Variants in ATXN2 observed in about 807,000 individuals in gnomAD.
The protein encoded by ATXN2 is ataxin 2, also known as ataxin-2.
Under a neutral mutation model 138.6 loss-of-function variants are expected in ATXN2, and 37 were observed. The ratio of observed to expected loss-of-function variants is 0.27; its 90% CI spans 0.21 to 0.35. The LOEUF is 0.35. Ranked by LOEUF, ATXN2 falls within the 10% of genes least tolerant of loss-of-function variation. The probability of loss-of-function intolerance (pLI) is 1.00; values close to 1 mark genes in which losing one functional copy is unlikely to be tolerated. For missense variants in ATXN2, 1,216 were observed against 1,480.3 expected, an observed-to-expected ratio of 0.82 and a Z score of 2.93; for synonymous variants, 549 against 543.7, an observed-to-expected ratio of 1.01 and a Z score of -0.13.
chr12:111,571,725 A>C (rs12319031), intron 1 of ATXN2, among the ~76,000 whole-genome samples: 2,273 of 152,270 alleles, frequency 0.015, 59 homozygotes, highest in African/African-American at 0.05. Flanking sequence ...TTACACTGTA[A>C]AGAGCTTTTA....
In ATXN2 at chr12:111,596,205, AACACACAC is replaced by A. The variant is rs35316415; in HGVS notation, c.251+2571_251+2578del. Among the ~76,000 whole-genome samples, 724 of 141,838 alleles carry A rather than the reference AACACACAC, an allele frequency of 5.1e-3. 4 individuals carry two copies. The highest frequency in any genetic ancestry group is 0.015 in the African/African-American group (594 of 39,130). 93.1% of individuals were successfully genotyped at this position (141,838 alleles called of 152,430 possible). On this transcript the variant is annotated intron_variant, in intron 1 of 24. Coordinates refer to ENST00000673436, the MANE Select transcript of ATXN2 (RefSeq NM_001372574.1). ...GGCGACAGAGTGAGATTCCATCCAAAACACACACACACACACACACACACACACACACA... is the reference window on the plus strand; with the variant it reads ...GGCGACAGAGTGAGATTCCATCCAAAACACACACACACACACACACACACA...
chr12:111,597,819 G>C (rs2034674423), intron 1 of ATXN2: 3 of 1,258,006 alleles, frequency 2.4e-6, no homozygotes, highest in Non-Finnish European at 3.1e-6. Context: ...CGAAATTGGG[G>C]CGGGGGTTGG....
In ATXN2 at chr12:111,485,739, G is replaced by C; in HGVS notation, c.2431C>G (p.Pro811Ala). 1 of 1,614,152 alleles carries C rather than the reference G, an allele frequency of 6.2e-7. No individual in the cohort carries two copies. The highest frequency in any genetic ancestry group is 8.5e-7 in the Non-Finnish European group (1 of 1,180,018). Reference sequence around the variant, plus strand: ...TGCACGCCTGGGCTCACTGGGACTGGATACATCATATTTGGTGCAAAACAA... The same window carrying C: ...TGCACGCCTGGGCTCACTGGGACTGCATACATCATATTTGGTGCAAAACAA... The part of the protein sequence containing the change: ...PVCFAPNMMY[P>A]VPVSPGVQPL... Residue 811 changes from proline to alanine, a missense_variant, in exon 17 of 25, where the codon CCA becomes GCA. By Grantham distance (27) the Pro-to-Ala change is conservative. This residue lies in a region of ATXN2 where 490 missense variants were observed against 653.5 expected (regional missense o/e 0.75). Coordinates refer to ENST00000673436, the MANE Select transcript of ATXN2 (RefSeq NM_001372574.1).
intron 18 of ATXN2, among the ~76,000 whole-genome samples, chr12:111,484,713 G>A (rs1331784061): frequency 6.6e-6 from 1 of 151,682 alleles, no homozygotes; most frequent in Non-Finnish European, 1.5e-5. Context: ...TGGGATTACA[G>A]GCATAAGCCA....
At chr12:111,515,284 G>A (rs1426938593) in intron 10 of ATXN2, among the ~76,000 whole-genome samples, 1 of 152,124 alleles carries the variant, frequency 6.6e-6, no homozygotes, top group Non-Finnish European at 1.5e-5. Flanking sequence ...TAATTTTAAT[G>A]AACAAATCAG....
At chr12:111,494,012 C>CCTGGGCCTCCTGGGTT (rs1878235896) in intron 14 of ATXN2, among the ~76,000 whole-genome samples, 2 of 152,176 alleles carry the variant, frequency 1.3e-5, no homozygotes, top group Non-Finnish European at 2.9e-5. Context: ...CTCACTGCAA[C>CCTGGGCCTCCTGGGTT]CTGGGCCTCC....
intron 2 of ATXN2, among the ~76,000 whole-genome samples, chr12:111,555,278 A>G (rs529159452): frequency 6.6e-6 from 1 of 152,302 alleles, no homozygotes; most frequent in Admixed American, 6.5e-5. Flanking sequence ...GAAAAGAACA[A>G]GCGACTTGTT....
At chr12:111,489,329 T>TG in intron 14 of ATXN2, among the ~76,000 whole-genome samples, 1 of 152,022 alleles carries the variant, frequency 6.6e-6, no homozygotes, top group East Asian at 1.9e-4. Context: ...ATAGCACCAA[T>TG]GGGGGCCGGG....
intron 1 of ATXN2, chr12:111,597,745 C>T (rs1053814952): frequency 1.8e-5 from 14 of 795,194 alleles, no homozygotes; most frequent in Non-Finnish European, 2.6e-5. Context: ...TAGTAAACAC[C>T]CGCCTTTCTG....
In ATXN2 at chr12:111,456,022, G is replaced by A. The variant is rs1307225149; in HGVS notation, c.3270+7C>T. The stretch of plus-strand genomic sequence containing the variant: ...CTTCACAGAAAGTTGGCTAAAGCTG[G>A]TATTACCTGAGGTACGTGGGCCATG... On this transcript the variant is annotated splice_region_variant and intron_variant, in intron 23 of 24. Transcript: ENST00000673436. 1 of 1,613,488 alleles carries A rather than the reference G, an allele frequency of 6.2e-7. No individual in the cohort carries two copies. Among genetic ancestry groups the A allele is most frequent in the South Asian group, 1.1e-5 (1 of 91,072 alleles).
intron 1 of ATXN2, chr12:111,597,618 C>G (rs545025540): frequency 2.5e-4 from 103 of 414,758 alleles, no homozygotes; most frequent in African/African-American, 2.0e-3. Flanking sequence ...GACAACCGCC[C>G]GCCACCCCCA....
intron 18 of ATXN2, 150 bp downstream of exon 18, chr12:111,485,115 A>G: frequency 1.6e-6 from 1 of 627,236 alleles, no homozygotes; most frequent in Admixed American, 2.4e-5. Context: ...AATCCATGTG[A>G]ATATCTATGT....
At chr12:111,596,589 A>G (rs1462889766) in intron 1 of ATXN2, among the ~76,000 whole-genome samples, 2 of 152,230 alleles carry the variant, frequency 1.3e-5, no homozygotes, top group Admixed American at 6.5e-5. Flanking sequence ...GAATGCAGGA[A>G]AGTGATTCAA....
intron 1 of ATXN2, among the ~76,000 whole-genome samples, chr12:111,572,804 AC>A (rs1883407475): frequency 6.6e-6 from 1 of 152,202 alleles, no homozygotes; most frequent in South Asian, 2.1e-4. Flanking sequence ...CAGCCTACCA[AC>A]ATGGACTGAG....
At chr12:111,538,543 G>A (rs916501347) in intron 5 of ATXN2, among the ~76,000 whole-genome samples, 1 of 133,478 alleles carries the variant, frequency 7.5e-6, no homozygotes, top group Non-Finnish European at 1.8e-5. Flanking sequence ...TGTAGAAACG[G>A]GGTTCCACCA....
At chr12:111,463,524 A>T (rs947758104) in intron 21 of ATXN2, among the ~76,000 whole-genome samples, 13 of 151,906 alleles carry the variant, frequency 8.6e-5, no homozygotes, top group Non-Finnish European at 1.5e-5. Flanking sequence ...CAATCCACCC[A>T]CCTCGGCCTC....
intron 1 of ATXN2, among the ~76,000 whole-genome samples, chr12:111,585,555 G>A (rs1439943793): frequency 1.2e-4 from 18 of 149,388 alleles, no homozygotes; most frequent in Non-Finnish European, 2.2e-4. Context: ...CTGTGGTCCC[G>A]GCACTTTGGG....
At chr12:111,508,865 A>G (rs549444458) in intron 14 of ATXN2, among the ~76,000 whole-genome samples, 51 of 152,352 alleles carry the variant, frequency 3.3e-4, no homozygotes, top group African/African-American at 1.1e-3. Context: ...GAATGAAGCT[A>G]TTGTTAACAT....
chr12:111,498,096 G>T (rs9805053), intron 14 of ATXN2, among the ~76,000 whole-genome samples: 2,645 of 152,098 alleles, frequency 0.017, 83 homozygotes, highest in African/African-American at 0.059. Flanking sequence ...ATATATGACA[G>T]ACCCATAACT....
Sources: gnomAD v4.1 joint callset for allele counts (sites outside exome capture counted in the v4.1 genomes callset) on GRCh38, gnomAD v4.1.1 for gene constraint, gnomAD v4.1.1 regional missense constraint, MANE v1.5 for transcripts, NCBI Gene and HGNC (gene_info 2026-07-23, HGNC 2026-07-21) for gene names.